Variants in INVS observed in about 807,000 individuals in gnomAD.
INVS encodes the protein inversin.
A neutral mutation model predicts 108.8 loss-of-function variants in INVS; 86 were observed. The ratio of observed to expected loss-of-function variants is 0.79; its 90% CI spans 0.66 to 0.95. INVS has a LOEUF of 0.95. Ranked by LOEUF, INVS falls within the 40% of genes least tolerant of loss-of-function variation. The pLI, the probability that INVS is intolerant of heterozygous loss-of-function variation, is 0.00. For missense variants in INVS, 1,169 were observed against 1,297.4 expected, an observed-to-expected ratio of 0.90 and a Z score of 1.52; for synonymous variants, 455 against 473.5, an observed-to-expected ratio of 0.96 and a Z score of 0.51.
rs59641104 is a variant in INVS at position 100,288,973 on chromosome 9, G to A, written c.2069-3353G>A. Among the ~76,000 whole-genome samples the A allele has an allele frequency of 7.5e-3, 1,140 of 152,160 alleles. 19 individuals are homozygous for A. The highest frequency in any genetic ancestry group is 0.026 in the African/African-American group (1,077 of 41,508). On this transcript the variant is annotated intron_variant, in intron 13 of 16. Coordinates refer to ENST00000262457, the MANE Select transcript of INVS (RefSeq NM_014425.5). ...GGCCTATGAGACTCTTTTGCTGGTT[G>A]GAAAGAATAAAAATGTTAAAATAGT...
chr9:100,221,206 C>G (rs1480896139), intron 3 of INVS, among the ~76,000 whole-genome samples: 1 of 152,142 alleles, frequency 6.6e-6, no homozygotes, highest in Non-Finnish European at 1.5e-5. Context: ...TAGTATCTTC[C>G]TCTGTTCCAT....
chr9:100,196,401 T>G (rs893027009), intron 3 of INVS, among the ~76,000 whole-genome samples: 1 of 152,112 alleles, frequency 6.6e-6, no homozygotes, highest in African/African-American at 2.4e-5. Context: ...GTTAAGATGT[T>G]ATCTTTTAGT....
rs568599659 is a variant in INVS at position 100,145,276 on chromosome 9, G to A, written c.273+18727G>A. Reference sequence around the variant, plus strand: ...CTTCCAGAAAAGCAGGAAAGGGGTCGGGGCATGGAGATATAAGGGGTTGGG... The same window carrying A: ...CTTCCAGAAAAGCAGGAAAGGGGTCAGGGCATGGAGATATAAGGGGTTGGG... On this transcript the variant is annotated intron_variant, in intron 3 of 16. Coordinates refer to ENST00000262457, the MANE Select transcript of INVS (RefSeq NM_014425.5). Among the ~76,000 whole-genome samples the A allele has an allele frequency of 3.6e-4, 55 of 151,926 alleles. No homozygotes were observed. The South Asian group carries it at 7.5e-3, about 21-fold the overall frequency.
chr9:100,270,120 A>AG (rs1832906450), intron 11 of INVS, among the ~76,000 whole-genome samples: 2 of 132,476 alleles, frequency 1.5e-5, no homozygotes, highest in Non-Finnish European at 3.6e-5. Flanking sequence ...TTTTTACTTC[A>AG]ATTTTTTTTT....
intron 3 of INVS, among the ~76,000 whole-genome samples, chr9:100,191,159 G>A (rs750211549): frequency 5.9e-5 from 9 of 152,102 alleles, no homozygotes; most frequent in Non-Finnish European, 1.0e-4. Context: ...GGTCCAGCTG[G>A]TGATATCCTT....
At chr9:100,166,377 G>C (rs1053750063) in intron 3 of INVS, among the ~76,000 whole-genome samples, 3 of 152,106 alleles carry the variant, frequency 2.0e-5, no homozygotes. Context: ...ACAAAAACTA[G>C]CCAGGCATGG....
At chr9:100,177,346 C>G (rs1829749796) in intron 3 of INVS, among the ~76,000 whole-genome samples, 1 of 152,192 alleles carries the variant, frequency 6.6e-6, no homozygotes. Flanking sequence ...ATCCCACTCC[C>G]ACGGAGCCCA....
intron 3 of INVS, among the ~76,000 whole-genome samples, chr9:100,133,597 A>G (rs889973354): frequency 1.3e-5 from 2 of 152,162 alleles, no homozygotes; most frequent in African/African-American, 2.4e-5. Context: ...TAAAACTCCA[A>G]TGAGATACTA....
At chr9:100,188,225 T>A (rs1034106896) in intron 3 of INVS, among the ~76,000 whole-genome samples, 37 of 152,166 alleles carry the variant, frequency 2.4e-4, no homozygotes, top group Admixed American at 1.2e-3. Flanking sequence ...TGAATAGAAA[T>A]GATGAAAGTG....
In INVS at chr9:100,100,571, TATATATATA is replaced by T. The variant is rs1426852167; in HGVS notation, c.-25+1171_-25+1179del. 5.8e-4 allele frequency among the ~76,000 whole-genome samples: 66 copies of T among 113,518 alleles called. 2 individuals are homozygous for T. Among genetic ancestry groups the T allele is most frequent in the Non-Finnish European group, 1.0e-3 (59 of 58,532 alleles). The allele number at this position is 113,518 out of a possible 152,430, so 74.5% of individuals were successfully genotyped here. On this transcript the variant is annotated intron_variant, in intron 1 of 16. Coordinates refer to ENST00000262457, the MANE Select transcript of INVS (RefSeq NM_014425.5). ...GCTAAGAATTATGAAGTAAAAAGTA[TATATATATA>T]ATATATATAATATATGTACATATAA...
intron 7 of INVS, among the ~76,000 whole-genome samples, chr9:100,243,469 G>A (rs180771945): frequency 1.8e-3 from 269 of 152,180 alleles, no homozygotes; most frequent in African/African-American, 5.3e-3. Flanking sequence ...TATATTATAC[G>A]TCTGAGAATG....
Position 100,126,382 on chromosome 9 carries a change from GGAAACTCT to G in INVS, c.108_115del (p.Asn37SerfsTer2), listed in dbSNP as rs1299723867. The G allele has an allele frequency of 6.2e-7, 1 of 1,609,678 alleles. No homozygotes were observed. The highest frequency in any genetic ancestry group is 2.2e-5 in the East Asian group (1 of 44,868). On this transcript the variant is annotated frameshift_variant and splice_region_variant, in exon 3 of 17. Coordinates refer to ENST00000262457, the MANE Select transcript of INVS (RefSeq NM_014425.5). LOFTEE classifies it high-confidence loss of function. ...TCACTATCTGTTTCTTATCCTTATA[GGAAACTCT>G]GCTCTTAAAGACAAAGAAGATCAGT...
Position 100,230,574 on chromosome 9 carries a change from A to G in INVS, c.615+747A>G, listed in dbSNP as rs554580168. On this transcript the variant is annotated intron_variant, in intron 5 of 16. Coordinates refer to ENST00000262457, the MANE Select transcript of INVS (RefSeq NM_014425.5). Reference sequence around the variant, plus strand: ...TGCTCTGTCACCCAGGCTGTAGTACAGTGGCATGATCTCGGCTTACTGCAG... The same window carrying G: ...TGCTCTGTCACCCAGGCTGTAGTACGGTGGCATGATCTCGGCTTACTGCAG... Among the ~76,000 whole-genome samples, 17 of 152,214 alleles carry G rather than the reference A, an allele frequency of 1.1e-4. No homozygotes were observed. The South Asian group carries it at 2.5e-3, about 22-fold the overall frequency.
intron 3 of INVS, among the ~76,000 whole-genome samples, chr9:100,221,743 T>C (rs1036245548): frequency 1.3e-5 from 2 of 152,146 alleles, no homozygotes; most frequent in African/African-American, 4.8e-5. Flanking sequence ...CGGTTTTGCT[T>C]TCTGTGATTT....
intron 10 of INVS, among the ~76,000 whole-genome samples, chr9:100,253,439 A>G (rs899285055): frequency 6.6e-6 from 1 of 151,916 alleles, no homozygotes; most frequent in African/African-American, 2.4e-5. Flanking sequence ...TTATACTTTA[A>G]GTTCTAGGGT....
At chr9:100,151,300 A>G (rs915635045) in intron 3 of INVS, among the ~76,000 whole-genome samples, 24 of 151,848 alleles carry the variant, frequency 1.6e-4, no homozygotes, top group Non-Finnish European at 3.4e-4. Context: ...ACATAGGGAG[A>G]CTCCATCTCT....
At chr9:100,228,037 C>CT (rs1831389626) in intron 4 of INVS, among the ~76,000 whole-genome samples, 1 of 144,368 alleles carries the variant, frequency 6.9e-6, no homozygotes. Flanking sequence ...ATCACCCAGG[C>CT]TGGCGTGCAG....
chr9:100,179,081 C>G (rs1188577216), intron 3 of INVS, among the ~76,000 whole-genome samples: 6 of 152,112 alleles, frequency 3.9e-5, no homozygotes, highest in African/African-American at 1.4e-4. Context: ...TACAGAGAAG[C>G]AAATGCAGAG....
chr9:100,132,054 T>C (rs1278431511), intron 3 of INVS: 1 of 174,606 alleles, frequency 5.7e-6, no homozygotes, highest in Non-Finnish European at 1.1e-5. Flanking sequence ...CCTCAGTACA[T>C]ATATAGCTCT....
Sources: gnomAD v4.1 joint callset for allele counts (sites outside exome capture counted in the v4.1 genomes callset) on GRCh38, gnomAD v4.1.1 for gene constraint, MANE v1.5 for transcripts, NCBI Gene and HGNC (gene_info 2026-07-23, HGNC 2026-07-21) for gene names.